The following MMP26 variants were observed in gnomAD, a reference collection of about 807,000 sequenced individuals.
MMP26 encodes matrix metallopeptidase 26.
MMP26 carries 33 observed loss-of-function variants against 31.0 expected under a neutral mutation model. The ratio of observed to expected loss-of-function variants is 1.06; its 90% CI spans 0.81 to 1.42. The LOEUF (loss-of-function observed/expected upper bound fraction) is 1.42. Among genes scored for constraint, MMP26 ranks in the 40% most tolerant of loss-of-function variants. The pLI, the probability that MMP26 is intolerant of heterozygous loss-of-function variation, is 0.00. For missense variants in MMP26, 347 were observed against 316.1 expected (o/e 1.10, Z -0.74); for synonymous variants, 122 against 114.9 (o/e 1.06, Z -0.40).
chr11:4,986,928 T>TCTCTCC (rs1846901718), intron 2 of MMP26, among the ~76,000 whole-genome samples: 2 of 102,516 alleles, frequency 2.0e-5, no homozygotes, highest in African/African-American at 8.1e-5. Context: ...TCTCTCTCTC[T>TCTCTCC]CTCCCTCTCT....
chr11:4,760,745 A>C (rs1204754622), intron 1 of MMP26, among the ~76,000 whole-genome samples: 2 of 152,180 alleles, frequency 1.3e-5, no homozygotes, highest in African/African-American at 4.8e-5. Context: ...CTGCCACTCT[A>C]TCTCTCTGGT....
chr11:4,769,681 T>C (rs755519284), intron 2 of MMP26: 3 of 1,612,880 alleles, frequency 1.9e-6, no homozygotes, highest in Non-Finnish European at 2.5e-6. Flanking sequence ...TTGTTGACAA[T>C]GAAGAAACAG....
chr11:4,864,795 C>T (rs1234969571), intron 2 of MMP26, among the ~76,000 whole-genome samples: 1 of 152,100 alleles, frequency 6.6e-6, no homozygotes, highest in East Asian at 1.9e-4. Context: ...TCTACAGAAA[C>T]TGATGCCACC....
chr11:4,940,860 C>A (rs1360154769), intron 2 of MMP26, among the ~76,000 whole-genome samples: 2 of 152,092 alleles, frequency 1.3e-5, no homozygotes, highest in African/African-American at 4.8e-5. Context: ...GGCAGATCAG[C>A]TAGTTGTTTT....
At chr11:4,739,881 G>T (rs1848289114) in intron 1 of MMP26, among the ~76,000 whole-genome samples, 1 of 152,094 alleles carries the variant, frequency 6.6e-6, no homozygotes, top group Non-Finnish European at 1.5e-5. Context: ...AAGAAGGGTT[G>T]ACTTAGATAA....
chr11:4,855,666 G>A (rs922185854), intron 2 of MMP26, among the ~76,000 whole-genome samples: 4 of 152,192 alleles, frequency 2.6e-5, no homozygotes, highest in Non-Finnish European at 5.9e-5. Context: ...TTATCCAGGA[G>A]AACTTCCCCA....
chr11:4,928,667 G>A (rs563956883), intron 2 of MMP26, among the ~76,000 whole-genome samples: 19 of 151,636 alleles, frequency 1.3e-4, no homozygotes, highest in South Asian at 8.3e-4. Flanking sequence ...TTTTTTTCAC[G>A]TAAGTCTTAG....
At chr11:4,861,286 TAC>T (rs1281099705) in intron 2 of MMP26, among the ~76,000 whole-genome samples, 15 of 150,520 alleles carry the variant, frequency 1.0e-4, no homozygotes, top group African/African-American at 3.6e-4. Context: ...TGCAGATACA[TAC>T]AGTTTCCAAG....
chr11:4,935,613 G>A (rs1851428072), intron 2 of MMP26, among the ~76,000 whole-genome samples: 1 of 151,854 alleles, frequency 6.6e-6, no homozygotes. Flanking sequence ...CCAACACTAT[G>A]TTGAATAGGA....
intron 2 of MMP26, among the ~76,000 whole-genome samples, chr11:4,904,734 A>G (rs1213849773): frequency 6.6e-6 from 1 of 152,070 alleles, no homozygotes; most frequent in Non-Finnish European, 1.5e-5. Flanking sequence ...AATGGACATC[A>G]ATATCCCTTA....
Position 4,821,581 on chromosome 11 carries a change from G to A in MMP26, c.-145+54240G>A, listed in dbSNP as rs985359584. On this transcript the variant is annotated intron_variant, in intron 2 of 7. Coordinates refer to ENST00000380390, the MANE Select transcript of MMP26 (RefSeq NM_021801.5). ...CATGATCCTGTTTGTGGTCCTCTGT[G>A]AACGGAGCCTCCATAAGCCTATGTA... 4.3e-6 allele frequency: 7 copies of A among 1,613,404 alleles called. No homozygotes were observed. In the Admixed American group the frequency reaches 1.2e-4, roughly 27 times the overall value.
rs186858493 is a variant in MMP26, at chr11:4,791,216, T to C, written c.-145+23875T>C. Among the ~76,000 whole-genome samples the C allele has an allele frequency of 7.2e-5, 11 of 152,332 alleles. No homozygotes were observed. The East Asian group carries it at 1.7e-3, about 24-fold the overall frequency. ...TTCAAATGCCTGCAATGCAGTCAAG[T>C]ACAGTGGTTAATAGTTGCGGCTATG... On this transcript the variant is annotated intron_variant, in intron 2 of 7. Coordinates refer to ENST00000380390, the MANE Select transcript of MMP26 (RefSeq NM_021801.5).
chr11:4,784,937 G>A (rs76490169), intron 2 of MMP26, among the ~76,000 whole-genome samples: 13,629 of 152,232 alleles, frequency 0.09, 815 homozygotes, highest in Middle Eastern at 0.15. Flanking sequence ...TCAAGATGGT[G>A]GAAAGAGAAG....
intron 1 of MMP26, among the ~76,000 whole-genome samples, chr11:4,733,422 C>G (rs111763152): frequency 1.6e-4 from 24 of 152,114 alleles, no homozygotes; most frequent in African/African-American, 5.1e-4. Context: ...CTAATCTATT[C>G]TTTTTGATGC....
At chr11:4,803,228 G>A (rs543003302) in intron 2 of MMP26, among the ~76,000 whole-genome samples, 25 of 152,246 alleles carry the variant, frequency 1.6e-4, no homozygotes, top group African/African-American at 5.5e-4. Flanking sequence ...AGTCAACAAA[G>A]TTGTTCTTAT....
At chr11:4,748,265 A>T (rs1218952252) in intron 1 of MMP26, among the ~76,000 whole-genome samples, 1 of 152,158 alleles carries the variant, frequency 6.6e-6, no homozygotes, top group Non-Finnish European at 1.5e-5. Flanking sequence ...AAAACCGAAC[A>T]GACTAATATC....
At chr11:4,825,444 G>T (rs1222263291) in intron 2 of MMP26, among the ~76,000 whole-genome samples, 1 of 152,026 alleles carries the variant, frequency 6.6e-6, no homozygotes, top group Non-Finnish European at 1.5e-5. Context: ...ATGAGATAAA[G>T]GTTTCTGTCA....
chr11:4,877,129 G>C (rs1016937812), intron 2 of MMP26: 1 of 152,250 alleles, frequency 6.6e-6, no homozygotes, highest in Non-Finnish European at 1.5e-5. Context: ...AGGCTTGCCT[G>C]TGCTGACACT....
At chr11:4,848,717 A>G in intron 2 of MMP26, 4 of 1,614,094 alleles carry the variant, frequency 2.5e-6, no homozygotes, top group East Asian at 2.2e-5. Flanking sequence ...GCAGGGGCAG[A>G]TGGAGACCCA....
Sources: allele counts gnomAD v4.1 joint callset (sites outside exome capture counted in the v4.1 genomes callset), GRCh38; gene constraint gnomAD v4.1.1; transcripts MANE v1.5; gene names NCBI Gene and HGNC (gene_info 2026-07-23, HGNC 2026-07-21).